Variants in GZMB observed in about 807,000 individuals in gnomAD.
The protein encoded by GZMB is granzyme B.
GZMB carries 27 observed loss-of-function variants against 24.2 expected under a neutral mutation model. The ratio of observed to expected loss-of-function variants is 1.12; its 90% CI spans 0.82 to 1.54. GZMB has a LOEUF of 1.54. GZMB is among the 40% of genes most tolerant of loss of function. The probability of loss-of-function intolerance (pLI) is 0.00; values close to 1 mark genes in which losing one functional copy is unlikely to be tolerated. For synonymous variants in GZMB, 121 were observed against 115.1 expected, an observed-to-expected ratio of 1.05 and a Z score of -0.33; for missense variants, 336 against 310.1, an observed-to-expected ratio of 1.08 and a Z score of -0.63.
chr14:24,633,004 A>G lies in GZMB; in HGVS notation c.114T>C (p.Leu38=), dbSNP rs1386824438. Residue 38 remains leucine (L), a synonymous_variant, in exon 2 of 5, where the codon CTT becomes CTC. Transcript: ENST00000216341. ...TCAGAGACTTCTGATCCCAGATCAT[A>G]AGATAAGCCATGTAGGGGCGGGAGT... is the stretch of plus-strand genomic sequence containing the variant. ...KPHSRPYMAY[L]MIWDQKSLKR... is the part of the protein sequence containing the mutation. 1 of 1,613,906 alleles carries G rather than the reference A, an allele frequency of 6.2e-7. No individual in the cohort carries two copies. Among genetic ancestry groups the G allele is most frequent in the Admixed American group, 1.7e-5 (1 of 59,998 alleles).
chr14:24,631,279 A>C, intron 4 of GZMB, 65 bp from the exon 5 acceptor site: 336 of 1,466,210 alleles, frequency 2.3e-4, no homozygotes, highest in Non-Finnish European at 2.9e-4. Flanking sequence ...CTTCCATCTC[A>C]AGCCCCCTTT....
chr14:24,631,805 T>C, intron 4 of GZMB, 53 bp downstream of exon 4: 1 of 1,503,024 alleles, frequency 6.7e-7, no homozygotes, highest in Non-Finnish European at 9.2e-7. Flanking sequence ...GTCTCAGATA[T>C]TCCCCAAACA....
Position 24,634,106 on chromosome 14 carries a change from C to T in GZMB, c.55G>A (p.Gly19Arg). The change falls in exon 1 of 5, where the codon GGG (glycine) becomes AGG (arginine). Residue 19 changes from glycine to arginine, a missense_variant and splice_region_variant. Coordinates refer to ENST00000216341, the MANE Select transcript of GZMB (RefSeq NM_004131.6). ...CCCGAGGGTGGAGACGGTCACTCAC[C>T]TGCATCTGCCCTGGGCAGCAGGAGG... ...AFLLLPRADA[G>R]EIIGGHEAKP... 6.3e-7 allele frequency: 1 copy of T among 1,592,090 alleles called. No individual in the cohort carries two copies. Among genetic ancestry groups the T allele is most frequent in the Non-Finnish European group, 8.5e-7 (1 of 1,170,530 alleles).
Position 24,631,047 on chromosome 14 carries a change from G to A in GZMB, c.*24C>T, listed in dbSNP as rs369112816. 3.8e-5 allele frequency: 61 copies of A among 1,593,652 alleles called. No homozygotes were observed. Among genetic ancestry groups the A allele is most frequent in the Middle Eastern group, 3.3e-4 (2 of 6,026 alleles). ...TCCAGAGAAGGTGTTTCATTACAGC[G>A]GGGGCTTAGTTTGCTTCCTGTAGTT... On this transcript the variant is annotated 3_prime_UTR_variant, in exon 5 of 5. Transcript: ENST00000216341.
At chr14:24,633,361 G>A (rs2067015528) in intron 1 of GZMB, 1 of 947,254 alleles carries the variant, frequency 1.1e-6, no homozygotes, top group South Asian at 4.9e-5. Context: ...GAGTTTCCAA[G>A]ACCCTTATGA....
At chr14:24,632,168 C>A (rs763703713) in intron 3 of GZMB, 50 bp from the exon 4 acceptor site, 2 of 1,602,166 alleles carry the variant, frequency 1.2e-6, no homozygotes, top group East Asian at 2.2e-5. Context: ...AACTTCTGGG[C>A]CCCGACACAG....
chr14:24,631,343 G>A (rs759046964), intron 4 of GZMB, 129 bp from the exon 5 acceptor site: 2 of 714,370 alleles, frequency 2.8e-6, no homozygotes, highest in African/African-American at 3.6e-5. Flanking sequence ...GGCAGGGCAG[G>A]CCGCTGGTGG....
At chr14:24,633,323 C>A in intron 1 of GZMB, 1 of 985,038 alleles carries the variant, frequency 1.0e-6, no homozygotes, top group Non-Finnish European at 1.2e-6. Flanking sequence ...CCTGATCATT[C>A]CTCTCCTGAC....
At chr14:24,632,534 C>T (rs1404502061) in intron 2 of GZMB, 75 bp from the exon 3 acceptor site, 4 of 1,606,776 alleles carry the variant, frequency 2.5e-6, no homozygotes, top group Non-Finnish European at 3.4e-6. Flanking sequence ...GAGCAGGTGA[C>T]AGCTGGGGCA....
At chr14:24,632,717 A>G (rs2138504841) in intron 2 of GZMB, 198 bp downstream of exon 2, 2 of 801,984 alleles carry the variant, frequency 2.5e-6, no homozygotes, top group Non-Finnish European at 4.2e-6. Context: ...AGGCTTGGTC[A>G]CTCTGCTGTT....
rs1213247146 is a variant in GZMB at position 24,630,973 on chromosome 14, GTATT to G, written c.*94_*97del. ...ACCAGCTTTTCCACTCAGCTAAGAG[GTATT>G]TATTCAGTTGCTGGCACCTCTCCCA... On this transcript the variant is annotated 3_prime_UTR_variant, in exon 5 of 5. Coordinates refer to ENST00000216341, the MANE Select transcript of GZMB (RefSeq NM_004131.6). 3 of 880,790 alleles carry G rather than the reference GTATT, an allele frequency of 3.4e-6. No individual in the cohort carries two copies. The highest frequency in any genetic ancestry group is 5.7e-6 in the Non-Finnish European group (3 of 530,796). 54.6% of individuals were successfully genotyped at this position (880,790 alleles called of 1,614,324 possible).
Position 24,632,906 on chromosome 14 carries a change from G to T in GZMB, c.203+9C>A. On this transcript the variant is annotated intron_variant, in intron 2 of 4. Transcript: ENST00000216341. ...TCCAGGAGGGTGTGGGCTGTTTTCT[G>T]CTCCTCACCTTCCCCAACAGTGAGC... The T allele has an allele frequency of 6.2e-7, 1 of 1,608,354 alleles. No homozygotes were observed.
intron 4 of GZMB, 50 bp downstream of exon 4, chr14:24,631,808 C>T (rs968494240): frequency 2.0e-6 from 3 of 1,530,566 alleles, no homozygotes; most frequent in Admixed American, 3.4e-5. Flanking sequence ...TCAGATATTC[C>T]CCAAACATCT....
intron 4 of GZMB, 101 bp downstream of exon 4, chr14:24,631,757 T>A: frequency 1.1e-6 from 1 of 938,696 alleles, no homozygotes; most frequent in Admixed American, 1.8e-5. Context: ...TATCACAGTC[T>A]AGTGGGTGAA....
chr14:24,631,715 GTCTAGTCC>G (rs2066995931), intron 4 of GZMB, 135 bp downstream of exon 4: 1 of 748,750 alleles, frequency 1.3e-6, no homozygotes, highest in Non-Finnish European at 2.3e-6. Flanking sequence ...CCCCAGCTCA[GTCTAGTCC>G]CCTCTTCTCT....
At chr14:24,631,306 G>A (rs748767568) in intron 4 of GZMB, 92 bp from the exon 5 acceptor site, 251 of 1,122,574 alleles carry the variant, frequency 2.2e-4, no homozygotes, top group Admixed American at 6.0e-4. Flanking sequence ...AGGCCAACTT[G>A]CACAGCCTAC....
rs748242826 is a variant in GZMB at position 24,632,895 on chromosome 14, G to T, written c.203+20C>A. Reference sequence around the variant, plus strand: ...TGTGGAGTGTTTCCAGGAGGGTGTGGGCTGTTTTCTGCTCCTCACCTTCCC... The same window carrying T: ...TGTGGAGTGTTTCCAGGAGGGTGTGTGCTGTTTTCTGCTCCTCACCTTCCC... On this transcript the variant is annotated intron_variant, in intron 2 of 4. Transcript: ENST00000216341. 2.5e-6 allele frequency: 4 copies of T among 1,605,782 alleles called. No individual in the cohort carries two copies. Among genetic ancestry groups the T allele is most frequent in the Non-Finnish European group, 3.4e-6 (4 of 1,174,584 alleles).
At chr14:24,633,797 T>G (rs2067018854) in intron 1 of GZMB, 1 of 425,860 alleles carries the variant, frequency 2.3e-6, no homozygotes, top group East Asian at 5.0e-5. Context: ...AGGCCTACTC[T>G]AGAATAATTT....
chr14:24,634,014 T>C (rs764357735), intron 1 of GZMB, 92 bp downstream of exon 1: 3 of 1,146,436 alleles, frequency 2.6e-6, no homozygotes, highest in Admixed American at 2.0e-5. Context: ...GTTCAGAACA[T>C]TCCTGGTAGA....
Sources: gnomAD v4.1 joint callset for allele counts on GRCh38, gnomAD v4.1.1 for gene constraint, MANE v1.5 for transcripts, NCBI Gene and HGNC (gene_info 2026-07-23, HGNC 2026-07-21) for gene names.